The following CACNA1H variants were observed in gnomAD, a reference collection of about 807,000 sequenced individuals.
CACNA1H encodes the protein voltage-dependent T-type calcium channel subunit alpha-1H.
A neutral mutation model predicts 192.5 loss-of-function variants in CACNA1H; 149 were observed. The ratio of observed to expected loss-of-function variants is 0.77; its 90% CI spans 0.68 to 0.89. CACNA1H has a LOEUF of 0.89. Among genes scored for constraint, CACNA1H ranks in the 40% least tolerant of loss-of-function variants. CACNA1H has a pLI of 0.00. For synonymous variants in CACNA1H, 2,202 were observed against 1,475.2 expected (o/e 1.49, Z -11.29); for missense variants, 4,257 against 3,423.5 (o/e 1.24, Z -6.08).
At chr16:1,177,217 T>A (rs1393356795) in intron 2 of CACNA1H, among the ~76,000 whole-genome samples, 6 of 152,180 alleles carry the variant, frequency 3.9e-5, no homozygotes, top group Non-Finnish European at 5.9e-5. Context: ...TGGATGGAGT[T>A]TGACTCCACC....
intron 2 of CACNA1H, among the ~76,000 whole-genome samples, chr16:1,193,593 T>A (rs1201116986): frequency 6.6e-6 from 1 of 152,268 alleles, no homozygotes; most frequent in Non-Finnish European, 1.5e-5. Flanking sequence ...TGTGCCAGCA[T>A]GCCAGCTGCC....
Position 1,218,311 on chromosome 16 carries a change from C to T in CACNA1H, c.5547C>T (p.Phe1849=), listed in dbSNP as rs747094670. 3.3e-5 allele frequency: 51 copies of T among 1,556,024 alleles called. No individual in the cohort carries two copies. In the African/African-American group the frequency reaches 4.8e-4, roughly 15 times the overall value. ...TGACCTTCGTGCTGGTGGCCCAGTT[C>T]GTGCTGGTGAACGTGGTGGTGGCCG... is the stretch of plus-strand genomic sequence containing the variant. ...YFVTFVLVAQ[F]VLVNVVVAVL... Residue 1849 remains phenylalanine, a synonymous_variant, in exon 33 of 35, where the codon TTC becomes TTT. Transcript: ENST00000348261.
rs2141277985 is a variant in CACNA1H at position 1,204,070 on chromosome 16, C to T, written c.2063C>T (p.Pro688Leu). The stretch of plus-strand genomic sequence containing the variant: ...AGTGTGCCCTGCCCCCTGCCCAGCC[C>T]CCCAGCGGGCACACTGACCTGTGAG... Reference protein sequence around the residue: ...GLSVPCPLPSPPAGTLTCELK... With the variant: ...GLSVPCPLPSLPAGTLTCELK... Residue 688 changes from proline (P) to leucine (L), a missense_variant, in exon 10 of 35, where the codon CCC becomes CTC. Coordinates refer to ENST00000348261, the MANE Select transcript of CACNA1H (RefSeq NM_021098.3). 2.5e-6 allele frequency: 4 copies of T among 1,602,632 alleles called. No homozygotes were observed. Among genetic ancestry groups the T allele is most frequent in the Non-Finnish European group, 3.4e-6 (4 of 1,175,488 alleles).
intron 2 of CACNA1H, among the ~76,000 whole-genome samples, chr16:1,185,044 C>T (rs1354791262): frequency 6.6e-6 from 1 of 152,208 alleles, no homozygotes; most frequent in Non-Finnish European, 1.5e-5. Context: ...GCCCTCGCTG[C>T]CCAGCCCTGG....
chr16:1,164,077 C>A (rs936581617), intron 2 of CACNA1H, among the ~76,000 whole-genome samples: 1 of 152,156 alleles, frequency 6.6e-6, no homozygotes, highest in East Asian at 1.9e-4. Flanking sequence ...GTATGGAGGC[C>A]GGCACAGGTG....
At position 1,218,247 on chromosome 16, in the gene CACNA1H, G is replaced by T; in HGVS notation, c.5483G>T (p.Cys1828Phe). 6.4e-7 allele frequency: 1 copy of T among 1,550,622 alleles called. No homozygotes were observed. Among genetic ancestry groups the T allele is most frequent in the Non-Finnish European group, 8.7e-7 (1 of 1,147,190 alleles). Residue 1828 changes from cysteine (C) to phenylalanine (F), a missense_variant, in exon 33 of 35, where the codon TGC (cysteine) becomes TTC (phenylalanine). Physicochemically the swap from Cys to Phe is radical, Grantham distance 205. Transcript: ENST00000348261. The stretch of plus-strand genomic sequence containing the variant: ...GAGTGCTCCCGTGAGGACAAGCACT[G>T]CCTGAGCTACCTGCCGGCCCTGTCG... ...LRECSREDKH[C>F]LSYLPALSPV...
At chr16:1,183,458 C>T (rs1034366362) in intron 2 of CACNA1H, among the ~76,000 whole-genome samples, 16 of 152,190 alleles carry the variant, frequency 1.1e-4, no homozygotes, top group African/African-American at 3.9e-4. Flanking sequence ...TCCATGGCAG[C>T]GGCCTCCGGG....
chr16:1,162,977 C>T (rs982112066), intron 2 of CACNA1H, among the ~76,000 whole-genome samples: 7 of 152,268 alleles, frequency 4.6e-5, no homozygotes, highest in Non-Finnish European at 8.8e-5. Context: ...CTATCCTTGG[C>T]TCCAGCCTCA....
rs1367396955 is a variant in CACNA1H at position 1,153,912 on chromosome 16, G to T, written c.175G>T (p.Gly59Cys). Residue 59 changes from glycine to cysteine, a missense_variant, in exon 2 of 35, where the codon GGC becomes TGC. Physicochemically the swap from Gly to Cys is radical, Grantham distance 159. Coordinates refer to ENST00000348261, the MANE Select transcript of CACNA1H (RefSeq NM_021098.3). ...CTCCGAGAGCCCGGCGGCCGAGCGCGGCGCGGAGCTGGGTGCCGACGAGGA... is the reference window on the plus strand; with the variant it reads ...CTCCGAGAGCCCGGCGGCCGAGCGCTGCGCGGAGCTGGGTGCCGACGAGGA... ...SPSESPAAER[G>C]AELGADEEQR... is the part of the protein sequence containing the mutation. The T allele has an allele frequency of 8.3e-6, 12 of 1,453,244 alleles. No individual in the cohort carries two copies. In the East Asian group the frequency reaches 3.1e-4, roughly 37 times the overall value. 90.0% of individuals were successfully genotyped at this position (1,453,244 alleles called of 1,614,324 possible).
At chr16:1,170,225 A>T (rs1295904211) in intron 2 of CACNA1H, among the ~76,000 whole-genome samples, 11 of 151,794 alleles carry the variant, frequency 7.2e-5, no homozygotes, top group African/African-American at 2.2e-4. Flanking sequence ...GGCTCAGCCC[A>T]CCCTGTTCCC....
At position 1,221,450 on chromosome 16, in the gene CACNA1H, G is replaced by A. The variant is rs2294607; in HGVS notation, c.*456G>A. 87 of 328,044 alleles carry A rather than the reference G, an allele frequency of 2.7e-4. 1 individual carries two copies. The South Asian group carries it at 4.0e-3, about 15-fold the overall frequency. 20.3% of individuals were successfully genotyped at this position (328,044 alleles called of 1,614,324 possible). On this transcript the variant is annotated 3_prime_UTR_variant, in exon 35 of 35. Coordinates refer to ENST00000348261, the MANE Select transcript of CACNA1H (RefSeq NM_021098.3). ...TCACTCACAGTCTGAGTTCTTGTCC[G>A]CCTGTCACGCCCTCACCACCCTCCC...
chr16:1,181,535 G>A (rs1276398598), intron 2 of CACNA1H, among the ~76,000 whole-genome samples: 3 of 152,242 alleles, frequency 2.0e-5, no homozygotes, highest in Non-Finnish European at 2.9e-5. Context: ...CAAGCTTCCC[G>A]CAGGCACGGA....
At chr16:1,196,376 T>A (rs1201826538) in intron 5 of CACNA1H, among the ~76,000 whole-genome samples, 2 of 152,238 alleles carry the variant, frequency 1.3e-5, no homozygotes, top group Non-Finnish European at 2.9e-5. Context: ...GTCTGGCGCA[T>A]CCTGGTGTGG....
Position 1,217,029 on chromosome 16 carries a change from C to G in CACNA1H, c.5323+19C>G, listed in dbSNP as rs764896986. 7 of 1,568,568 alleles carry G rather than the reference C, an allele frequency of 4.5e-6. No individual in the cohort carries two copies. The East Asian group carries it at 1.6e-4, about 37-fold the overall frequency. ...AGGCTGGGTGAGTGGCTCCTGCGCC[C>G]TCCTCCTGGCACACATGGGGTCCTG... is the stretch of plus-strand genomic sequence containing the variant. On this transcript the variant is annotated intron_variant, in intron 31 of 34. Transcript: ENST00000348261.
At chr16:1,208,328 T>G in intron 16 of CACNA1H, 107 bp downstream of exon 16, 1 of 767,882 alleles carries the variant, frequency 1.3e-6, no homozygotes, top group Non-Finnish European at 2.2e-6. Flanking sequence ...CCCACACCCT[T>G]GAAGTCCCAG....
chr16:1,215,270 C>T lies in CACNA1H; in HGVS notation c.5068C>T (p.Leu1690=), dbSNP rs755567471. Residue 1690 remains leucine, a synonymous_variant, in exon 29 of 35, where the codon CTG becomes TTG. Coordinates refer to ENST00000348261, the MANE Select transcript of CACNA1H (RefSeq NM_021098.3). ...GAACCAGCTGGACCTGGCCATCGTG[C>T]TGCTGTCACTCATGGGCATCACGCT... is the stretch of plus-strand genomic sequence containing the variant. ...RWNQLDLAIV[L]LSLMGITLEE... 6.2e-7 allele frequency: 1 copy of T among 1,606,674 alleles called. No homozygotes were observed. The highest frequency in any genetic ancestry group is 1.1e-5 in the South Asian group (1 of 89,682).
At chr16:1,213,719 G>C (rs952688226) in intron 26 of CACNA1H, 61 bp from the exon 27 acceptor site, 7 of 1,358,730 alleles carry the variant, frequency 5.2e-6, no homozygotes, top group Non-Finnish European at 5.8e-6. Flanking sequence ...AATGGAGTCT[G>C]CAGGAGCCAG....
At position 1,153,138 on chromosome 16, in the gene CACNA1H, G is replaced by C. The variant is rs1476463944; in HGVS notation, c.-351G>C. 1 of 144,578 alleles carries C rather than the reference G, an allele frequency of 6.9e-6. No individual in the cohort carries two copies. Among genetic ancestry groups the C allele is most frequent in the African/African-American group, 2.5e-5 (1 of 40,240 alleles). 9.0% of individuals were successfully genotyped at this position (144,578 alleles called of 1,614,324 possible). A position where few individuals can be genotyped will look rare whatever the true frequency, so the allele number is the denominator to read the frequency against. ...AGTTTCCTGCGCCGCGCGCGGACGG[G>C]CTCGAGGCTCGCTCGCTGCCTCACC... On this transcript the variant is annotated 5_prime_UTR_variant, in exon 1 of 35. Transcript: ENST00000348261.
At chr16:1,189,367 C>G (rs1030748924) in intron 2 of CACNA1H, among the ~76,000 whole-genome samples, 3 of 125,544 alleles carry the variant, frequency 2.4e-5, no homozygotes, top group Non-Finnish European at 4.8e-5. Flanking sequence ...CCAGGCTGTG[C>G]TGGACCTGGC....
Sources: gnomAD v4.1 joint callset for allele counts (sites outside exome capture counted in the v4.1 genomes callset) on GRCh38, gnomAD v4.1.1 for gene constraint, MANE v1.5 for transcripts, NCBI Gene and HGNC (gene_info 2026-07-23, HGNC 2026-07-21) for gene names.